Variants in ZNF326 observed in about 807,000 individuals in gnomAD.
ZNF326 encodes the protein zinc finger protein 326, also known as DBIRD complex subunit ZNF326.
ZNF326 carries 30 observed loss-of-function variants against 63.1 expected under a neutral mutation model. That is an observed-to-expected ratio of 0.48 (90% confidence interval 0.36 to 0.64). The LOEUF is 0.64. Ranked by LOEUF, ZNF326 falls within the 30% of genes least tolerant of loss-of-function variation. ZNF326 has a pLI of 0.00. For synonymous variants in ZNF326, 194 were observed against 228.2 expected (o/e 0.85, Z 1.35); for missense variants, 609 against 720.3 (o/e 0.85, Z 1.77).
chr1:90,018,570 G>A (rs1195013673), intron 8 of ZNF326, 115 bp from the exon 9 acceptor site: 1 of 505,172 alleles, frequency 2.0e-6, no homozygotes, highest in Non-Finnish European at 3.6e-6. Flanking sequence ...CTTGAGAAAA[G>A]ATGTTAATTC....
At chr1:90,019,888 A>G (rs1477422067) in intron 9 of ZNF326, among the ~76,000 whole-genome samples, 1 of 152,080 alleles carries the variant, frequency 6.6e-6, no homozygotes, top group Non-Finnish European at 1.5e-5. Context: ...TCCTTCACGT[A>G]TCTTGAGAAG....
intron 7 of ZNF326, among the ~76,000 whole-genome samples, chr1:90,014,905 A>T (rs888708529): frequency 6.6e-6 from 1 of 152,172 alleles, no homozygotes; most frequent in Admixed American, 6.5e-5. Context: ...GCAATTTTTT[A>T]AATTTAATTG....
At chr1:90,025,646 TG>T (rs1649982645) in intron 11 of ZNF326, among the ~76,000 whole-genome samples, 1 of 152,206 alleles carries the variant, frequency 6.6e-6, no homozygotes, top group Admixed American at 6.5e-5. Context: ...GATACATTCT[TG>T]GACAACTGCT....
intron 2 of ZNF326, among the ~76,000 whole-genome samples, chr1:90,000,562 A>G: frequency 6.6e-6 from 1 of 152,140 alleles, no homozygotes; most frequent in East Asian, 1.9e-4. Flanking sequence ...AACATTAGCC[A>G]GGCGTGGTGG....
Position 90,030,657 on chromosome 1 carries a change from T to C in ZNF326, c.*2956T>C, listed in dbSNP as rs887250405. 3 of 151,898 alleles carry C rather than the reference T, an allele frequency of 2.0e-5. No homozygotes were observed. Among genetic ancestry groups the C allele is most frequent in the Non-Finnish European group, 4.4e-5 (3 of 67,960 alleles). 9.4% of individuals were successfully genotyped at this position (151,898 alleles called of 1,614,324 possible). A position where few individuals can be genotyped will look rare whatever the true frequency, so the allele number is the denominator to read the frequency against. ...ACTAGAGCATATTCTTTGGAGGTGT[T>C]CTTTTTTTCTACTTTTTTTTTTTTT... is the stretch of plus-strand genomic sequence containing the variant. On this transcript the variant is annotated 3_prime_UTR_variant, in exon 12 of 12. Transcript: ENST00000340281.
chr1:90,026,005 C>T (rs1309562416), intron 11 of ZNF326, among the ~76,000 whole-genome samples: 1 of 149,240 alleles, frequency 6.7e-6, no homozygotes, highest in East Asian at 2.0e-4. Flanking sequence ...CTCGCTGTGT[C>T]GCCCAGGCCA....
intron 10 of ZNF326, among the ~76,000 whole-genome samples, chr1:90,021,804 T>C (rs993814176): frequency 2.0e-5 from 3 of 152,222 alleles, no homozygotes; most frequent in South Asian, 2.1e-4. Flanking sequence ...TCTCTTGATA[T>C]TCCCTTGACA....
rs1414318451 is a variant in ZNF326 at position 90,034,134 on chromosome 1, G to C, written c.*6433G>C. On this transcript the variant is annotated 3_prime_UTR_variant, in exon 12 of 12. Coordinates refer to ENST00000340281, the MANE Select transcript of ZNF326 (RefSeq NM_182976.4). ...AAAGAATCACATTGGTCTCAGACTT[G>C]TCATCTGTTCGTTGGAGTGCTACAA... 1 of 152,130 alleles carries C rather than the reference G, an allele frequency of 6.6e-6. No homozygotes were observed. Among genetic ancestry groups the C allele is most frequent in the African/African-American group, 2.4e-5 (1 of 41,442 alleles). 9.4% of individuals were successfully genotyped at this position (152,130 alleles called of 1,614,324 possible). A position where few individuals can be genotyped will look rare whatever the true frequency, so the allele number is the denominator to read the frequency against.
At chr1:90,008,255 T>C (rs968632248) in intron 5 of ZNF326, among the ~76,000 whole-genome samples, 4 of 152,200 alleles carry the variant, frequency 2.6e-5, no homozygotes, top group African/African-American at 9.7e-5. Flanking sequence ...CTTAGCCATG[T>C]TTATGTGGTG....
At chr1:90,001,893 C>G (rs1465717328) in intron 2 of ZNF326, among the ~76,000 whole-genome samples, 1 of 152,078 alleles carries the variant, frequency 6.6e-6, no homozygotes, top group Non-Finnish European at 1.5e-5. Context: ...TATGTCACAG[C>G]TGCTGCTTTG....
Position 90,022,361 on chromosome 1 carries a change from A to C in ZNF326, c.1401+16A>C. 1 of 1,573,318 alleles carries C rather than the reference A, an allele frequency of 6.4e-7. No individual in the cohort carries two copies. Among genetic ancestry groups the C allele is most frequent in the East Asian group, 2.2e-5 (1 of 44,588 alleles). Reference sequence around the variant, plus strand: ...TTTTGTTAAGGTAAGATTTTAGGGCAAAAACCTTTTCAATAATATTGTAGT... The same window carrying C: ...TTTTGTTAAGGTAAGATTTTAGGGCCAAAACCTTTTCAATAATATTGTAGT... On this transcript the variant is annotated intron_variant, in intron 11 of 11. Coordinates refer to ENST00000340281, the MANE Select transcript of ZNF326 (RefSeq NM_182976.4).
intron 9 of ZNF326, among the ~76,000 whole-genome samples, chr1:90,019,295 A>G (rs542551454): frequency 6.6e-6 from 1 of 152,290 alleles, no homozygotes; most frequent in Admixed American, 6.5e-5. Context: ...TTAAATAACC[A>G]TGCTTCTTTA....
intron 8 of ZNF326, among the ~76,000 whole-genome samples, 153 bp from the exon 9 acceptor site, chr1:90,018,532 A>G (rs542061250): frequency 6.6e-6 from 1 of 152,290 alleles, no homozygotes; most frequent in African/African-American, 2.4e-5. Flanking sequence ...ATATTTTATG[A>G]TTATCTTTTC....
At chr1:90,004,020 A>G (rs1426243079) in intron 2 of ZNF326, among the ~76,000 whole-genome samples, 1 of 152,158 alleles carries the variant, frequency 6.6e-6, no homozygotes, top group Non-Finnish European at 1.5e-5. Flanking sequence ...AGGGATTTTT[A>G]AAGGACTTTA....
In ZNF326 at chr1:90,007,652, C is replaced by T. The variant is rs781249686; in HGVS notation, c.517C>T (p.Arg173Trp). 5 of 1,537,576 alleles carry T rather than the reference C, an allele frequency of 3.3e-6. No homozygotes were observed. Among genetic ancestry groups the T allele is most frequent in the South Asian group, 1.3e-5 (1 of 79,600 alleles). Residue 173 changes from arginine to tryptophan, a missense_variant, in exon 5 of 12, where the codon CGG becomes TGG. Physicochemically the swap from Arg to Trp is moderately radical, Grantham distance 101 (BLOSUM62 -3). Around this residue, in one of 3 missense-constraint regions of ZNF326, gnomAD observed 113 missense variants for 187.4 expected, o/e 0.60. Transcript: ENST00000340281. The surrounding 1 kb of genome is among the most constrained non-coding windows in gnomAD (Gnocchi z 4.9). ...TATGAAGCCTGCACCTGTAGGCTCTCGGGGGAGAGGAACGCCTGCTTATCC... is the reference window on the plus strand; with the variant it reads ...TATGAAGCCTGCACCTGTAGGCTCTTGGGGGAGAGGAACGCCTGCTTATCC... ...PHMKPAPVGS[R>W]GRGTPAYPES...
At chr1:90,000,536 A>C (rs540813094) in intron 2 of ZNF326, among the ~76,000 whole-genome samples, 31 of 152,204 alleles carry the variant, frequency 2.0e-4, no homozygotes, top group African/African-American at 5.5e-4. Context: ...CTGTCTCTAC[A>C]AAAAAATTTT....
chr1:90,008,667 C>T (rs559005375), intron 5 of ZNF326, among the ~76,000 whole-genome samples: 2 of 152,208 alleles, frequency 1.3e-5, no homozygotes, highest in East Asian at 3.9e-4. Flanking sequence ...GTCAGCTGCT[C>T]TTAATATTTT....
At chr1:89,998,275 A>G (rs1310246357) in intron 2 of ZNF326, 121 bp downstream of exon 2, 2 of 840,650 alleles carry the variant, frequency 2.4e-6, no homozygotes, top group Non-Finnish European at 3.7e-6. Context: ...ATGTGTTAAT[A>G]TTGTCTTACT....
At chr1:90,019,958 A>C (rs1010713056) in intron 9 of ZNF326, among the ~76,000 whole-genome samples, 1 of 152,108 alleles carries the variant, frequency 6.6e-6, no homozygotes, top group African/African-American at 2.4e-5. Flanking sequence ...CTTTTTCCTT[A>C]CTGTATCTAT....
Sources: gnomAD v4.1 joint callset for allele counts (sites outside exome capture counted in the v4.1 genomes callset) on GRCh38, gnomAD v4.1.1 for gene constraint, gnomAD v4.1.1 regional missense constraint, Gnocchi (gnomAD v3.1) non-coding constraint, MANE v1.5 for transcripts, NCBI Gene and HGNC (gene_info 2026-07-23, HGNC 2026-07-21) for gene names.